Variants in C9 observed in about 807,000 individuals in gnomAD.
The protein encoded by C9 is complement C9.
A neutral mutation model predicts 65.4 loss-of-function variants in C9; 63 were observed. The ratio of observed to expected loss-of-function variants is 0.96; its 90% confidence interval spans 0.79 to 1.19. C9 has a LOEUF of 1.19. Among genes scored for constraint, C9 ranks in the 50% most tolerant of loss-of-function variants. The pLI is 0.00. For missense variants in C9, 744 were observed against 670.1 expected (o/e 1.11, Z -1.22); for synonymous variants, 229 against 227.9 (o/e 1.00, Z -0.04).
At chr5:39,358,918 G>T (rs1273912950) in intron 1 of C9, among the ~76,000 whole-genome samples, 1 of 151,242 alleles carries the variant, frequency 6.6e-6, no homozygotes, top group African/African-American at 2.4e-5. Flanking sequence ...CCGGGAGGCG[G>T]AGCTTACAGG....
At chr5:39,333,747 GA>G in intron 4 of C9, among the ~76,000 whole-genome samples, 1 of 151,878 alleles carries the variant, frequency 6.6e-6, no homozygotes, top group South Asian at 2.1e-4. Flanking sequence ...GAGTGCCTGC[GA>G]TTGCAGGCGC....
At chr5:39,356,774 T>A (rs1040022146) in intron 1 of C9, among the ~76,000 whole-genome samples, 4 of 152,210 alleles carry the variant, frequency 2.6e-5, no homozygotes, top group African/African-American at 9.6e-5. Context: ...CTGTCTTTCA[T>A]CCTTTGAGCC....
At chr5:39,346,993 T>A (rs374890301) in intron 1 of C9, among the ~76,000 whole-genome samples, 2 of 152,078 alleles carry the variant, frequency 1.3e-5, no homozygotes, top group East Asian at 1.9e-4. Context: ...AAAAACTCTC[T>A]ATAAATTAGG....
chr5:39,315,841 AC>A lies in C9; in HGVS notation c.803del (p.Gly268ValfsTer30), dbSNP rs766483572. On this transcript the variant is annotated frameshift_variant, in exon 6 of 11. Transcript: ENST00000263408. LOFTEE classifies it high-confidence loss of function. ...TASSISLHGK[G>X]SFRFSYSKNE... is the part of the protein sequence containing the mutation. ...TTTTGGAATATGAAAACCGAAAACT[AC>A]CCTTGCCATGTAAAGAAATTGAGGA... The A allele has an allele frequency of 3.7e-6, 6 of 1,610,948 alleles. No individual in the cohort carries two copies. Among genetic ancestry groups the A allele is most frequent in the Non-Finnish European group, 5.1e-6 (6 of 1,177,418 alleles).
At chr5:39,306,539 A>T in intron 9 of C9, 78 bp downstream of exon 9, 1 of 1,132,582 alleles carries the variant, frequency 8.8e-7, no homozygotes, top group Non-Finnish European at 1.3e-6. Context: ...AGATGAAGCT[A>T]ACAGTTCACC....
At chr5:39,332,028 G>C (rs1364745191) in intron 4 of C9, among the ~76,000 whole-genome samples, 3 of 152,154 alleles carry the variant, frequency 2.0e-5, no homozygotes, top group Non-Finnish European at 2.9e-5. Context: ...AACTCTTTTA[G>C]GCAACTAAGG....
chr5:39,341,097 G>A (rs369253413), intron 4 of C9, 49 bp downstream of exon 4: 2 of 1,588,726 alleles, frequency 1.3e-6, no homozygotes, highest in African/African-American at 1.3e-5. Flanking sequence ...GAGAGATGGA[G>A]ATCATTTTCA....
chr5:39,294,440 A>G (rs576706130), intron 9 of C9, among the ~76,000 whole-genome samples: 17 of 152,040 alleles, frequency 1.1e-4, no homozygotes, highest in African/African-American at 4.1e-4. Context: ...GAACAACTAT[A>G]AACCAATAAA....
intron 6 of C9, among the ~76,000 whole-genome samples, chr5:39,313,945 C>A (rs972925914): frequency 6.6e-6 from 1 of 152,148 alleles, no homozygotes; most frequent in Non-Finnish European, 1.5e-5. Context: ...ATCAGCAACT[C>A]CATTTTTCTA....
In C9 at chr5:39,362,645, C is replaced by A. The variant is rs1754541820; in HGVS notation, c.77+1743G>T. 2.6e-5 allele frequency among the ~76,000 whole-genome samples: 4 copies of A among 152,200 alleles called. No individual in the cohort carries two copies. The South Asian group carries it at 8.3e-4, about 32-fold the overall frequency. ...GGAAGCGAGGTACAGAGAGGCCAAG[C>A]AACCCGCCCAAAATGACACTGTTGG... On this transcript the variant is annotated intron_variant, in intron 1 of 10. Coordinates refer to ENST00000263408, the MANE Select transcript of C9 (RefSeq NM_001737.5).
intron 8 of C9, 68 bp downstream of exon 8, chr5:39,308,162 A>G (rs1158006154): frequency 2.9e-6 from 4 of 1,371,444 alleles, no homozygotes; most frequent in Non-Finnish European, 4.2e-6. Flanking sequence ...GGCTCATTGC[A>G]AGAGGGCAGT....
At chr5:39,315,273 A>C (rs1753550281) in intron 6 of C9, among the ~76,000 whole-genome samples, 1 of 152,168 alleles carries the variant, frequency 6.6e-6, no homozygotes, top group Admixed American at 6.5e-5. Flanking sequence ...AACAAACTTC[A>C]AAATCTGGTT....
In C9 at chr5:39,306,673, C is replaced by T. The variant is rs201784563; in HGVS notation, c.1360G>A (p.Asp454Asn). ...ATGGAAGAGGCCCAGTTGACAAAGT[C>T]AGTCACATCAATCACGGTTCCTCGG... ...LLRGTVIDVT[D>N]FVNWASSIND... is the part of the protein sequence containing the mutation. The change falls in exon 9 of 11, where the codon GAC becomes AAC. Residue 454 changes from aspartate (D) to asparagine (N), a missense_variant. By Grantham distance (23) the Asp-to-Asn change is conservative (BLOSUM62 1). Transcript: ENST00000263408. 8.4e-5 allele frequency: 136 copies of T among 1,613,768 alleles called. No individual in the cohort carries two copies. Among genetic ancestry groups the T allele is most frequent in the Non-Finnish European group, 5.6e-5 (66 of 1,179,728 alleles).
intron 1 of C9, among the ~76,000 whole-genome samples, chr5:39,347,824 A>G (rs1001716501): frequency 2.0e-5 from 3 of 152,216 alleles, no homozygotes; most frequent in Admixed American, 6.5e-5. Context: ...AAACAGAGAT[A>G]TAGACCAATG....
intron 1 of C9, among the ~76,000 whole-genome samples, chr5:39,358,270 C>T (rs954318076): frequency 6.6e-6 from 1 of 152,138 alleles, no homozygotes. Flanking sequence ...CATTAAGGTC[C>T]TCAATGAATT....
intron 10 of C9, among the ~76,000 whole-genome samples, chr5:39,287,374 G>A (rs139023386): frequency 1.3e-5 from 2 of 151,932 alleles, no homozygotes; most frequent in African/African-American, 4.8e-5. Flanking sequence ...TATATGGTAA[G>A]AGAATAGAGA....
intron 9 of C9, among the ~76,000 whole-genome samples, chr5:39,301,496 A>G (rs1561334720): frequency 1.3e-5 from 2 of 152,150 alleles, no homozygotes; most frequent in South Asian, 2.1e-4. Flanking sequence ...TAATTTTACT[A>G]TGCTTATGTA....
At chr5:39,303,522 A>AT (rs1444282199) in intron 9 of C9, among the ~76,000 whole-genome samples, 5 of 148,576 alleles carry the variant, frequency 3.4e-5, no homozygotes, top group African/African-American at 1.2e-4. Flanking sequence ...ATTTTATAGT[A>AT]TTTTATAAAT....
intron 1 of C9, among the ~76,000 whole-genome samples, chr5:39,353,567 TC>T (rs2111978740): frequency 6.6e-6 from 1 of 152,334 alleles, no homozygotes; most frequent in African/African-American, 2.4e-5. Context: ...CACCTTAACC[TC>T]CCCGTGTAAT....
Sources: allele counts gnomAD v4.1 joint callset (sites outside exome capture counted in the v4.1 genomes callset), GRCh38; gene constraint gnomAD v4.1.1; transcripts MANE v1.5; gene names NCBI Gene and HGNC (gene_info 2026-07-23, HGNC 2026-07-21).